The following XXYLT1 variants were observed in gnomAD, a reference collection of about 807,000 sequenced individuals.
XXYLT1 encodes the protein UDP-xylose:alpha-xyloside alpha-1,3-xylosyltransferase.
In XXYLT1, 20 loss-of-function variants were observed where a neutral mutation model predicts 28.9. That is an observed-to-expected ratio of 0.69 (90% confidence interval 0.49 to 1.00). The LOEUF is 1.00. Ranked by LOEUF, XXYLT1 falls within the 50% of genes least tolerant of loss-of-function variation. XXYLT1 has a pLI of 0.00. For synonymous variants in XXYLT1, 257 were observed against 253.8 expected (o/e 1.01, Z -0.12); for missense variants, 542 against 560.1 (o/e 0.97, Z 0.33).
At chr3:195,191,124 ATACT>A (rs1355338865) in intron 2 of XXYLT1, among the ~76,000 whole-genome samples, 1 of 152,206 alleles carries the variant, frequency 6.6e-6, no homozygotes, top group Non-Finnish European at 1.5e-5. Flanking sequence ...TTTAAAAAGT[ATACT>A]TAAACTACAG....
chr3:195,157,183 C>T lies in XXYLT1; in HGVS notation c.653-602G>A, dbSNP rs928024475. ...GCTTGAACCCAGGAGGCAGAGGTTG[C>T]AGTGAGCTGAGATCGCGCCACTGCA... On this transcript the variant is annotated intron_variant, in intron 2 of 3. Transcript: ENST00000310380. 2.2e-5 allele frequency among the ~76,000 whole-genome samples: 3 copies of T among 134,924 alleles called. 1 individual carries two copies. The highest frequency in any genetic ancestry group is 8.9e-3 in the Middle Eastern group (2 of 224). The allele number at this position is 134,924 out of a possible 152,430, so 88.5% of individuals were successfully genotyped here. A position where few individuals can be genotyped will look rare whatever the true frequency, so the allele number is the denominator to read the frequency against.
Position 195,257,622 on chromosome 3 carries a change from G to A in XXYLT1, c.504+12933C>T, listed in dbSNP as rs769232989. 7.2e-5 allele frequency among the ~76,000 whole-genome samples: 11 copies of A among 152,148 alleles called. No individual in the cohort carries two copies. The highest frequency in any genetic ancestry group is 7.2e-5 in the African/African-American group (3 of 41,422). On this transcript the variant is annotated intron_variant, in intron 1 of 3. Transcript: ENST00000310380. The surrounding 1 kb of genome is among the most constrained non-coding windows in gnomAD (Gnocchi z 4.3). ...CATGGCAGCCAGGTACATCCTGGCT[G>A]GGCCGGCACGGGCCCCGTAGCTCTC...
intron 1 of XXYLT1, among the ~76,000 whole-genome samples, chr3:195,260,700 C>G (rs1205378555): frequency 6.6e-6 from 1 of 152,230 alleles, no homozygotes; most frequent in African/African-American, 2.4e-5. Context: ...CCTCAAACAG[C>G]AGAGGAGGTG....
intron 2 of XXYLT1, among the ~76,000 whole-genome samples, chr3:195,202,404 C>CA (rs552172950): frequency 0.12 from 6,561 of 54,490 alleles, 397 homozygotes; most frequent in African/African-American, 0.24. Context: ...GGTCCCTGGC[C>CA]AAAAAAAAAA....
rs112005586 is a variant in XXYLT1, at chr3:195,149,586, C to T, written c.785+6863G>A. On this transcript the variant is annotated intron_variant, in intron 3 of 3. Coordinates refer to ENST00000310380, the MANE Select transcript of XXYLT1 (RefSeq NM_152531.5). ...TGGGGGCTGCCTCGGGCACAGTCCT[C>T]GGTCTCTCCCCCTGTCCTCGTCCCT... is the stretch of plus-strand genomic sequence containing the variant. Among the ~76,000 whole-genome samples, 581 of 152,318 alleles carry T rather than the reference C, an allele frequency of 3.8e-3. 6 individuals are homozygous for T. The highest frequency in any genetic ancestry group is 0.014 in the African/African-American group (563 of 41,554).
rs1378403739 is a variant in XXYLT1, at chr3:195,168,917, T to C, written c.653-12336A>G. Among the ~76,000 whole-genome samples, 1 of 152,250 alleles carries C rather than the reference T, an allele frequency of 6.6e-6. No individual in the cohort carries two copies. The highest frequency in any genetic ancestry group is 2.4e-5 in the African/African-American group (1 of 41,464). On this transcript the variant is annotated intron_variant, in intron 2 of 3. Transcript: ENST00000310380. The surrounding 1 kb of genome is among the most constrained non-coding windows in gnomAD (Gnocchi z 4.3). Reference sequence around the variant, plus strand: ...CTCTTTTGCCTCAATGTGGTCCCTTTAAACAGGGCTTACCTCTGATTCCAC... The same window carrying C: ...CTCTTTTGCCTCAATGTGGTCCCTTCAAACAGGGCTTACCTCTGATTCCAC...
chr3:195,185,085 AGAAGGAAGGAAG>A (rs10575198), intron 2 of XXYLT1, among the ~76,000 whole-genome samples: 20,860 of 100,084 alleles, frequency 0.21, 2,388 homozygotes, highest in Non-Finnish European at 0.25. Context: ...GAAAGAAGGA[AGAAGGAAGGAAG>A]GAAGGAAGGA....
chr3:195,098,710 C>T (rs984960217), intron 3 of XXYLT1, among the ~76,000 whole-genome samples: 6 of 152,210 alleles, frequency 3.9e-5, no homozygotes, highest in Non-Finnish European at 7.3e-5. Context: ...CTGCAGAGCC[C>T]GTCATCAGAA....
chr3:195,197,089 T>G (rs1044311055), intron 2 of XXYLT1, among the ~76,000 whole-genome samples: 2 of 152,220 alleles, frequency 1.3e-5, no homozygotes, highest in African/African-American at 2.4e-5. Context: ...TCAATTAGCT[T>G]GTAACTTAAA....
At position 195,224,003 on chromosome 3, in the gene XXYLT1, A is replaced by G. The variant is rs560471528; in HGVS notation, c.652+2706T>C. Among the ~76,000 whole-genome samples the G allele has an allele frequency of 4.9e-4, 74 of 152,118 alleles. 1 individual carries two copies. Among genetic ancestry groups the G allele is most frequent in the Non-Finnish European group, 9.3e-4 (63 of 68,014 alleles). ...GAAACTCCGTCTCTACTAAAAATAC[A>G]AAACTAGCCAGGCGTGGTGGCACAT... On this transcript the variant is annotated intron_variant, in intron 2 of 3. Transcript: ENST00000310380.
intron 2 of XXYLT1, among the ~76,000 whole-genome samples, chr3:195,161,909 C>T (rs755981039): frequency 7.9e-5 from 12 of 152,112 alleles, no homozygotes; most frequent in African/African-American, 2.4e-4. Context: ...TGAGCCACCA[C>T]GCCCAGCCCT....
chr3:195,237,042 G>A (rs1021836514), intron 1 of XXYLT1, among the ~76,000 whole-genome samples: 18 of 152,174 alleles, frequency 1.2e-4, no homozygotes, highest in Admixed American at 5.2e-4. Flanking sequence ...TGTGAGCTGC[G>A]CTGCCTGGGT....
rs754925057 is a variant in XXYLT1 at position 195,156,586 on chromosome 3, G to A, written c.653-5C>T. 30 of 1,613,958 alleles carry A rather than the reference G, an allele frequency of 1.9e-5. No homozygotes were observed. The highest frequency in any genetic ancestry group is 1.7e-4 in the Middle Eastern group (1 of 6,060). On this transcript the variant is annotated splice_region_variant and splice_polypyrimidine_tract_variant and intron_variant, in intron 2 of 3. Transcript: ENST00000310380. ...GCTGAATGATCTGCAGGATCTCTGC[G>A]GGAAAGAGAAAAGGACAATGAGACA...
At position 195,077,050 on chromosome 3, in the gene XXYLT1, G is replaced by T. The variant is rs1007206418; in HGVS notation, c.786-6939C>A. Among the ~76,000 whole-genome samples, 1 of 152,166 alleles carries T rather than the reference G, an allele frequency of 6.6e-6. No homozygotes were observed. ...AAACACCACAGCTCACTGGTACCTT[G>T]TTCTCACTGTCCAGGGACTCAGAGG... On this transcript the variant is annotated intron_variant, in intron 3 of 3. Coordinates refer to ENST00000310380, the MANE Select transcript of XXYLT1 (RefSeq NM_152531.5). The surrounding 1 kb of genome is among the most constrained non-coding windows in gnomAD (Gnocchi z 4.8).
intron 2 of XXYLT1, among the ~76,000 whole-genome samples, chr3:195,217,012 G>A (rs1189665016): frequency 1.5e-5 from 2 of 132,296 alleles, no homozygotes; most frequent in African/African-American, 3.6e-5. Flanking sequence ...TTCAATATAC[G>A]CAAATCAATA....
intron 2 of XXYLT1, among the ~76,000 whole-genome samples, chr3:195,179,294 C>T (rs1403355867): frequency 1.3e-5 from 2 of 150,342 alleles, no homozygotes; most frequent in Non-Finnish European, 3.0e-5. Context: ...GAGCCGAGAT[C>T]GCGCCACTGC....
chr3:195,204,066 C>T (rs929813930), intron 2 of XXYLT1, among the ~76,000 whole-genome samples: 16 of 152,134 alleles, frequency 1.1e-4, no homozygotes, highest in Non-Finnish European at 2.4e-4. Context: ...TATCATTGGC[C>T]GGGCACAGTG....
At chr3:195,184,476 C>A (rs9826142) in intron 2 of XXYLT1, among the ~76,000 whole-genome samples, 28,111 of 152,118 alleles carry the variant, frequency 0.18, 4,844 homozygotes, top group African/African-American at 0.46. Flanking sequence ...TAAACTGAAA[C>A]CATGATTAAA....
Position 195,143,790 on chromosome 3 carries a change from A to ATATATC in XXYLT1, c.785+12658_785+12659insGATATA, listed in dbSNP as rs1411839418. Among the ~76,000 whole-genome samples, 55 of 121,418 alleles carry ATATATC rather than the reference A, an allele frequency of 4.5e-4. 4 individuals carry two copies. Among genetic ancestry groups the ATATATC allele is most frequent in the African/African-American group, 1.6e-3 (50 of 31,098 alleles). 79.7% of individuals were successfully genotyped at this position (121,418 alleles called of 152,430 possible). ...CTAACCAAATGTTCTCTCATTATAT[A>ATATATC]TATATATATAGATAGATATATATAG... On this transcript the variant is annotated intron_variant, in intron 3 of 3. Coordinates refer to ENST00000310380, the MANE Select transcript of XXYLT1 (RefSeq NM_152531.5).
Sources: allele counts gnomAD v4.1 joint callset (sites outside exome capture counted in the v4.1 genomes callset), GRCh38; gene constraint gnomAD v4.1.1; non-coding constraint Gnocchi (gnomAD v3.1); transcripts MANE v1.5; gene names NCBI Gene and HGNC (gene_info 2026-07-23, HGNC 2026-07-21).